Variants in NXPH1 observed in about 807,000 individuals in gnomAD.
NXPH1 encodes the protein neurexophilin-1.
In NXPH1, 5 loss-of-function variants were observed where a neutral mutation model predicts 23.7. The ratio of observed to expected loss-of-function variants is 0.21; its 90% confidence interval spans 0.11 to 0.44. NXPH1 has a LOEUF of 0.44. Among genes scored for constraint, NXPH1 ranks in the 20% least tolerant of loss-of-function variants. The pLI, the probability that NXPH1 is intolerant of heterozygous loss-of-function variation, is 0.99. For missense variants in NXPH1, 324 were observed against 321.6 expected (o/e 1.01, Z -0.06); for synonymous variants, 144 against 122.2 (o/e 1.18, Z -1.18).
chr7:8,717,673 G>T (rs1386110221), intron 2 of NXPH1, among the ~76,000 whole-genome samples: 1 of 152,072 alleles, frequency 6.6e-6, no homozygotes, highest in Non-Finnish European at 1.5e-5. Context: ...TGAGACTTGT[G>T]CTCCCATCTA....
chr7:8,738,605 G>A (rs1780303787), intron 2 of NXPH1, among the ~76,000 whole-genome samples: 1 of 152,148 alleles, frequency 6.6e-6, no homozygotes. Flanking sequence ...GGGAGTGAGG[G>A]ACCCACTTGA....
chr7:8,501,490 TG>T (rs1448578023), intron 2 of NXPH1, among the ~76,000 whole-genome samples: 4 of 152,120 alleles, frequency 2.6e-5, no homozygotes, highest in African/African-American at 9.6e-5. Context: ...AACAGAATTA[TG>T]TAAAAAATTT....
intron 2 of NXPH1, among the ~76,000 whole-genome samples, chr7:8,448,062 G>C (rs1278511198): frequency 1.3e-5 from 2 of 152,164 alleles, no homozygotes; most frequent in Admixed American, 6.5e-5. Context: ...AATTCTTAAG[G>C]GAAGCAGCAT....
chr7:8,621,194 T>C (rs1819861376), intron 2 of NXPH1, among the ~76,000 whole-genome samples: 1 of 152,156 alleles, frequency 6.6e-6, no homozygotes, highest in Non-Finnish European at 1.5e-5. Context: ...CAAGGTGCCA[T>C]AGATTCAAAA....
intron 2 of NXPH1, among the ~76,000 whole-genome samples, chr7:8,514,955 C>T (rs1432653626): frequency 6.6e-6 from 1 of 152,046 alleles, no homozygotes; most frequent in Non-Finnish European, 1.5e-5. Flanking sequence ...TCTTCTGTCC[C>T]ACACAGAGGC....
chr7:8,556,308 TTTGGAAG>T (rs1818358376), intron 2 of NXPH1, among the ~76,000 whole-genome samples: 1 of 151,580 alleles, frequency 6.6e-6, no homozygotes, highest in Non-Finnish European at 1.5e-5. Flanking sequence ...TTTAGCAGGG[TTTGGAAG>T]TAATTGCTCA....
intron 2 of NXPH1, among the ~76,000 whole-genome samples, chr7:8,710,827 TAA>T (rs1779781865): frequency 7.7e-6 from 1 of 129,942 alleles, no homozygotes; most frequent in South Asian, 2.5e-4. Context: ...CGCGCCCGGC[TAA>T]TTTTTTGTAT....
chr7:8,553,110 A>C (rs1355445357), intron 2 of NXPH1, among the ~76,000 whole-genome samples: 2 of 151,578 alleles, frequency 1.3e-5, no homozygotes, highest in Admixed American at 6.6e-5. Context: ...AGCAGTTTTT[A>C]GTGAAGCTGT....
Position 8,634,665 on chromosome 7 carries a change from GTT to G in NXPH1, c.55-116314_55-116313del, listed in dbSNP as rs144810873. ...TGCATGGTAGAGATTGTCCAGAAGA[GTT>G]TTTTTTTTTTTTTTTTTTTTTTTTT... On this transcript the variant is annotated intron_variant, in intron 2 of 2. Coordinates refer to ENST00000405863, the MANE Select transcript of NXPH1 (RefSeq NM_152745.3). 9.0e-3 allele frequency among the ~76,000 whole-genome samples: 854 copies of G among 95,190 alleles called. 7 individuals are homozygous for G. Among genetic ancestry groups the G allele is most frequent in the African/African-American group, 0.029 (799 of 27,802 alleles). 62.4% of individuals were successfully genotyped at this position (95,190 alleles called of 152,430 possible). A position where few individuals can be genotyped will look rare whatever the true frequency, so the allele number is the denominator to read the frequency against.
At position 8,435,533 on chromosome 7, in the gene NXPH1, T is replaced by A; in HGVS notation, c.-110-71T>A. On this transcript the variant is annotated intron_variant, in intron 1 of 2. Coordinates refer to ENST00000405863, the MANE Select transcript of NXPH1 (RefSeq NM_152745.3). This position sits in a 1 kb window ranked among gnomAD's most constrained non-coding sequence, Gnocchi z 5.9. Reference sequence around the variant, plus strand: ...TCCCCCACTCCCCGCTACGACCCCCTTTCCCCGCTTGATTGTCAAGCCTAA... The same window carrying A: ...TCCCCCACTCCCCGCTACGACCCCCATTCCCCGCTTGATTGTCAAGCCTAA... 24 of 520,384 alleles carry A rather than the reference T, an allele frequency of 4.6e-5. No homozygotes were observed. Among genetic ancestry groups the A allele is most frequent in the Middle Eastern group, 4.9e-4 (1 of 2,044 alleles). 32.2% of individuals were successfully genotyped at this position (520,384 alleles called of 1,614,324 possible). A position where few individuals can be genotyped will look rare whatever the true frequency, so the allele number is the denominator to read the frequency against.
chr7:8,454,811 C>T (rs187927037), intron 2 of NXPH1, among the ~76,000 whole-genome samples: 166 of 152,204 alleles, frequency 1.1e-3, no homozygotes, highest in African/African-American at 3.8e-3. Context: ...ATATGACACT[C>T]TTAGTGAATT....
chr7:8,475,788 A>G (rs889119739), intron 2 of NXPH1, among the ~76,000 whole-genome samples: 1 of 152,164 alleles, frequency 6.6e-6, no homozygotes, highest in Admixed American at 6.5e-5. Flanking sequence ...ATAATATCAC[A>G]TATATAATTA....
At chr7:8,545,148 G>A (rs139878031) in intron 2 of NXPH1, among the ~76,000 whole-genome samples, 1 of 151,508 alleles carries the variant, frequency 6.6e-6, no homozygotes, top group East Asian at 1.9e-4. Context: ...TAAAGGAAGA[G>A]GAATATTATT....
chr7:8,745,903 G>T (rs1780462757), intron 2 of NXPH1, among the ~76,000 whole-genome samples: 1 of 151,966 alleles, frequency 6.6e-6, no homozygotes, highest in South Asian at 2.1e-4. Flanking sequence ...TCTGGCCCAT[G>T]CACTAGCTGT....
In NXPH1 at chr7:8,731,809, G is replaced by T. The variant is rs555985415; in HGVS notation, c.55-19199G>T. Among the ~76,000 whole-genome samples, 4 of 152,356 alleles carry T rather than the reference G, an allele frequency of 2.6e-5. No individual in the cohort carries two copies. The East Asian group carries it at 7.7e-4, about 29-fold the overall frequency. On this transcript the variant is annotated intron_variant, in intron 2 of 2. Transcript: ENST00000405863. ...CTGTCTTTTTGTTTGTCTGTGCCCT[G>T]CCCCAAGAAGTGGAGCCTACAGAGG...
At chr7:8,622,597 CAAAGT>C (rs1240505739) in intron 2 of NXPH1, among the ~76,000 whole-genome samples, 2 of 152,130 alleles carry the variant, frequency 1.3e-5, no homozygotes, top group African/African-American at 4.8e-5. Context: ...GATAATTTGA[CAAAGT>C]TAAGTCTCAT....
At chr7:8,620,715 C>A (rs887847892) in intron 2 of NXPH1, among the ~76,000 whole-genome samples, 2 of 152,152 alleles carry the variant, frequency 1.3e-5, no homozygotes, top group Admixed American at 1.3e-4. Flanking sequence ...TTATACGAAC[C>A]AATACATTTC....
intron 2 of NXPH1, among the ~76,000 whole-genome samples, chr7:8,480,446 C>A (rs1212923720): frequency 3.3e-5 from 5 of 152,092 alleles, no homozygotes; most frequent in Non-Finnish European, 4.4e-5. Context: ...AGAGAATAGC[C>A]ATGATTCAGA....
chr7:8,655,686 T>C (rs1363858976), intron 2 of NXPH1, among the ~76,000 whole-genome samples: 2 of 152,102 alleles, frequency 1.3e-5, no homozygotes, highest in African/African-American at 2.4e-5. Context: ...TGTATGGAAA[T>C]ATCTATGCAG....
Sources: allele counts gnomAD v4.1 joint callset (sites outside exome capture counted in the v4.1 genomes callset), GRCh38; gene constraint gnomAD v4.1.1; non-coding constraint Gnocchi (gnomAD v3.1); transcripts MANE v1.5; gene names NCBI Gene and HGNC (gene_info 2026-07-23, HGNC 2026-07-21).